CNTN5: variants seen among roughly 807,000 people sequenced by gnomAD.
The protein encoded by CNTN5 is contactin 5.
Under a neutral mutation model 129.1 loss-of-function variants are expected in CNTN5, and 77 were observed. The observed-to-expected ratio is 0.60, with a 90% CI of 0.50 to 0.72. The LOEUF (loss-of-function observed/expected upper bound fraction) is 0.72, where lower values mean the gene tolerates loss of function less well. Ranked by LOEUF, CNTN5 falls within the 30% of genes least tolerant of loss-of-function variation. CNTN5 has a pLI of 0.00. For synonymous variants in CNTN5, 509 were observed against 465.6 expected, an observed-to-expected ratio of 1.09 and a Z score of -1.20; for missense variants, 1,478 against 1,328.8, an observed-to-expected ratio of 1.11 and a Z score of -1.75.
intron 3 of CNTN5, among the ~76,000 whole-genome samples, chr11:99,818,565 CAG>C (rs142454759): frequency 0.11 from 16,254 of 152,196 alleles, 1,529 homozygotes; most frequent in East Asian, 0.43. Flanking sequence ...CACAAACTGC[CAG>C]AGTCTTAGAA....
At chr11:99,284,516 A>G (rs1863837063) in intron 1 of CNTN5, among the ~76,000 whole-genome samples, 1 of 151,282 alleles carries the variant, frequency 6.6e-6, no homozygotes, top group African/African-American at 2.4e-5. Flanking sequence ...TACCTTGTTT[A>G]CCAGTGGTCT....
chr11:99,627,002 C>T (rs865982082), intron 3 of CNTN5, among the ~76,000 whole-genome samples: 2 of 152,098 alleles, frequency 1.3e-5, no homozygotes, highest in South Asian at 4.1e-4. Context: ...CCGTAGTTTC[C>T]TTTTCTCCAT....
intron 13 of CNTN5, among the ~76,000 whole-genome samples, chr11:100,132,975 A>T (rs1180816632): frequency 1.3e-5 from 2 of 152,080 alleles, no homozygotes. Context: ...ATTATTATAG[A>T]CTTTATGTAT....
intron 1 of CNTN5, among the ~76,000 whole-genome samples, chr11:99,247,641 G>A (rs1861882157): frequency 1.3e-5 from 2 of 151,964 alleles, no homozygotes; most frequent in Middle Eastern, 3.4e-3. Context: ...GCCCTGGTGT[G>A]TGATGTTCCC....
At position 99,088,506 on chromosome 11, in the gene CNTN5, G is replaced by A. The variant is rs1283570068; in HGVS notation, c.-210+67236G>A. The stretch of plus-strand genomic sequence containing the variant: ...AAAATAAGGTATAAATCTTGAGAGG[G>A]AAATTCTGATTTTGTCAGGAGGATG... On this transcript the variant is annotated intron_variant, in intron 1 of 24. Transcript: ENST00000524871. 3.9e-5 allele frequency among the ~76,000 whole-genome samples: 6 copies of A among 152,182 alleles called. No homozygotes were observed. In the East Asian group the frequency reaches 1.2e-3, roughly 29 times the overall value.
At chr11:100,327,739 A>G (rs991393128) in intron 21 of CNTN5, among the ~76,000 whole-genome samples, 4 of 152,148 alleles carry the variant, frequency 2.6e-5, no homozygotes, top group African/African-American at 9.7e-5. Flanking sequence ...ATACCTTCGA[A>G]TGGATAGTTG....
chr11:99,420,957 G>A (rs1189722892), intron 2 of CNTN5, among the ~76,000 whole-genome samples: 2 of 152,028 alleles, frequency 1.3e-5, no homozygotes, highest in South Asian at 2.1e-4. Flanking sequence ...ACAGCTTCTC[G>A]GAAGCATGGA....
At chr11:99,660,640 T>C (rs1952562126) in intron 3 of CNTN5, among the ~76,000 whole-genome samples, 1 of 152,088 alleles carries the variant, frequency 6.6e-6, no homozygotes, top group South Asian at 2.1e-4. Context: ...AGAGCCAGCA[T>C]GACTTGTTTG....
At chr11:99,795,158 T>A (rs1945888970) in intron 3 of CNTN5, among the ~76,000 whole-genome samples, 1 of 152,216 alleles carries the variant, frequency 6.6e-6, no homozygotes, top group South Asian at 2.1e-4. Flanking sequence ...CTGACTACAT[T>A]CTGTTAGAGT....
chr11:99,677,858 G>A (rs895677725), intron 3 of CNTN5, among the ~76,000 whole-genome samples: 7 of 151,878 alleles, frequency 4.6e-5, no homozygotes, highest in African/African-American at 4.8e-5. Context: ...TCATGACCTC[G>A]CAATTACCAA....
chr11:99,176,697 C>T (rs933593727), intron 1 of CNTN5, among the ~76,000 whole-genome samples: 7 of 152,094 alleles, frequency 4.6e-5, no homozygotes, highest in African/African-American at 1.7e-4. Context: ...TAATCATTTC[C>T]CACCACCTCC....
chr11:99,714,039 G>A (rs981748529), intron 3 of CNTN5, among the ~76,000 whole-genome samples: 2 of 151,670 alleles, frequency 1.3e-5, no homozygotes, highest in Admixed American at 6.6e-5. Flanking sequence ...AGCTCTTTGG[G>A]GACTTGTTTC....
intron 2 of CNTN5, among the ~76,000 whole-genome samples, chr11:99,528,280 C>T (rs1244903950): frequency 1.3e-5 from 2 of 152,090 alleles, no homozygotes; most frequent in African/African-American, 4.8e-5. Flanking sequence ...CAATAAAATA[C>T]ACAATGGTAA....
chr11:99,801,029 G>A (rs139871737), intron 3 of CNTN5, among the ~76,000 whole-genome samples: 232 of 152,204 alleles, frequency 1.5e-3, no homozygotes, highest in Non-Finnish European at 2.6e-3. Flanking sequence ...TGTGGGTTAT[G>A]TACTTAAGTG....
chr11:99,964,626 T>TC (rs1951044208), intron 8 of CNTN5, among the ~76,000 whole-genome samples: 1 of 152,134 alleles, frequency 6.6e-6, no homozygotes, highest in Admixed American at 6.6e-5. Flanking sequence ...TCTCTTTTTT[T>TC]TGTTGTGTCT....
At chr11:99,292,153 T>G (rs999256392) in intron 1 of CNTN5, among the ~76,000 whole-genome samples, 3 of 151,274 alleles carry the variant, frequency 2.0e-5, no homozygotes, top group Non-Finnish European at 4.4e-5. Flanking sequence ...CTGGCAAAAA[T>G]AAAAGAATAA....
intron 3 of CNTN5, among the ~76,000 whole-genome samples, chr11:99,556,971 T>C (rs1484390226): frequency 6.6e-6 from 1 of 151,302 alleles, no homozygotes; most frequent in Non-Finnish European, 1.5e-5. Flanking sequence ...TGATTAGAAA[T>C]TAAATTGTGG....
intron 1 of CNTN5, among the ~76,000 whole-genome samples, chr11:99,073,947 C>A (rs578246528): frequency 6.6e-6 from 1 of 152,250 alleles, no homozygotes; most frequent in East Asian, 1.9e-4. Context: ...TGAGGAATCA[C>A]CACACTGTCT....
chr11:100,031,820 C>T (rs917324015), intron 9 of CNTN5, among the ~76,000 whole-genome samples: 1 of 151,952 alleles, frequency 6.6e-6, no homozygotes, highest in Admixed American at 6.6e-5. Flanking sequence ...CCCATATGAC[C>T]ATCTCACCTC....
Sources: gnomAD v4.1 joint callset for allele counts (sites outside exome capture counted in the v4.1 genomes callset) on GRCh38, gnomAD v4.1.1 for gene constraint, MANE v1.5 for transcripts, NCBI Gene and HGNC (gene_info 2026-07-23, HGNC 2026-07-21) for gene names.